Variants in KAZN observed in about 807,000 individuals in gnomAD.
KAZN encodes kazrin, periplakin interacting protein.
In KAZN, 40 loss-of-function variants were observed where a neutral mutation model predicts 87.4. The observed-to-expected ratio is 0.46, with a 90% CI of 0.36 to 0.60. The LOEUF is 0.60. KAZN is among the 20% of genes least tolerant of loss of function. The probability of loss-of-function intolerance (pLI) is 0.00; values close to 1 mark genes in which losing one functional copy is unlikely to be tolerated. For missense variants in KAZN, 898 were observed against 1,073.9 expected, an observed-to-expected ratio of 0.84 and a Z score of 2.29; for synonymous variants, 466 against 458.3, an observed-to-expected ratio of 1.02 and a Z score of -0.22.
intron 1 of KAZN, among the ~76,000 whole-genome samples, chr1:14,882,930 A>C (rs1355429490): frequency 1.3e-5 from 2 of 152,090 alleles, no homozygotes; most frequent in African/African-American, 4.8e-5. Flanking sequence ...TTGAGGAATA[A>C]ATAGGGAGCT....
chr1:13,973,523 C>A (rs1438370137), intron 1 of KAZN, among the ~76,000 whole-genome samples: 1 of 152,226 alleles, frequency 6.6e-6, no homozygotes, highest in Non-Finnish European at 1.5e-5. Context: ...CCCCTTCATA[C>A]AAATGCCTTC....
chr1:14,464,085 G>T (rs1193585390), intron 2 of KAZN, among the ~76,000 whole-genome samples: 2 of 152,212 alleles, frequency 1.3e-5, no homozygotes, highest in Non-Finnish European at 2.9e-5. Context: ...GAGCCAGGAG[G>T]CAAAGACCTG....
chr1:13,960,437 C>G (rs1313729017), intron 1 of KAZN, among the ~76,000 whole-genome samples: 1 of 152,122 alleles, frequency 6.6e-6, no homozygotes, highest in Non-Finnish European at 1.5e-5. Context: ...CTAGTAATGC[C>G]AGCACTAGTC....
chr1:14,547,087 T>A (rs7551240), intron 2 of KAZN, among the ~76,000 whole-genome samples: 3,141 of 152,280 alleles, frequency 0.021, 38 homozygotes, highest in Non-Finnish European at 0.029. Context: ...TTGGCATAAA[T>A]TTTAAACCCC....
At chr1:13,975,401 G>C (rs1020688627) in intron 1 of KAZN, among the ~76,000 whole-genome samples, 2 of 152,246 alleles carry the variant, frequency 1.3e-5, no homozygotes, top group Non-Finnish European at 2.9e-5. Flanking sequence ...TCAGATATCA[G>C]TGGGCTGAGA....
intron 2 of KAZN, among the ~76,000 whole-genome samples, chr1:14,383,800 C>A (rs1203088972): frequency 6.6e-6 from 1 of 152,066 alleles, no homozygotes; most frequent in African/African-American, 2.4e-5. Flanking sequence ...GCTATATGGG[C>A]TCTTTTTTGA....
intron 1 of KAZN, among the ~76,000 whole-genome samples, chr1:14,687,209 G>A (rs1477384980): frequency 1.3e-5 from 2 of 152,294 alleles, no homozygotes; most frequent in South Asian, 2.1e-4. Context: ...GCCCCCATAA[G>A]GCTGGGTCGA....
intron 2 of KAZN, among the ~76,000 whole-genome samples, chr1:14,582,022 G>A (rs1163912593): frequency 6.6e-6 from 1 of 151,906 alleles, no homozygotes; most frequent in Non-Finnish European, 1.5e-5. Context: ...AGCTCCAAAA[G>A]GGCAGGGACT....
chr1:14,061,527 C>T (rs747416339), intron 1 of KAZN, among the ~76,000 whole-genome samples: 1 of 152,174 alleles, frequency 6.6e-6, no homozygotes, highest in African/African-American at 2.4e-5. Context: ...GGAAAATGCT[C>T]AAAAAGAGGC....
intron 1 of KAZN, among the ~76,000 whole-genome samples, chr1:14,830,161 A>G (rs111937201): frequency 5.0e-4 from 76 of 152,340 alleles, no homozygotes; most frequent in African/African-American, 1.7e-3. Flanking sequence ...AAGTCGTGTC[A>G]TCATGAATCT....
intron 1 of KAZN, among the ~76,000 whole-genome samples, chr1:14,642,623 T>C (rs1344213795): frequency 6.6e-6 from 1 of 152,206 alleles, no homozygotes; most frequent in Non-Finnish European, 1.5e-5. Context: ...TAGTGTTCTA[T>C]GCCACTGTAG....
chr1:13,926,168 G>A (rs890834459), intron 1 of KAZN, among the ~76,000 whole-genome samples: 2 of 152,014 alleles, frequency 1.3e-5, no homozygotes, highest in Non-Finnish European at 2.9e-5. Context: ...AAACTGAGTT[G>A]GGGTCTTGCT....
chr1:14,736,806 G>T (rs1199424337), intron 1 of KAZN, among the ~76,000 whole-genome samples: 1 of 152,096 alleles, frequency 6.6e-6, no homozygotes, highest in Non-Finnish European at 1.5e-5. Context: ...ATAGATTCTG[G>T]CTACAGAATC....
intron 2 of KAZN, among the ~76,000 whole-genome samples, chr1:14,970,423 T>TC (rs1664904239): frequency 1.3e-5 from 2 of 152,234 alleles, no homozygotes; most frequent in Non-Finnish European, 2.9e-5. Flanking sequence ...TAGAATTGTT[T>TC]CCAGAACCTG....
upstream of KAZN, among the ~76,000 whole-genome samples, chr1:14,595,134 A>C (rs531242228): frequency 1.2e-5 from 1 of 81,496 alleles, no homozygotes; most frequent in South Asian, 4.3e-4. Context: ...ACAGACCAAG[A>C]CTCCATCTCA....
At chr1:14,607,182 A>G (rs1397312709) in intron 1 of KAZN, among the ~76,000 whole-genome samples, 2 of 152,182 alleles carry the variant, frequency 1.3e-5, no homozygotes, top group African/African-American at 4.8e-5. Context: ...ATGATAGATG[A>G]TTTTAATTGA....
intron 1 of KAZN, among the ~76,000 whole-genome samples, chr1:14,737,467 G>A (rs2100408302): frequency 6.6e-6 from 1 of 152,330 alleles, no homozygotes; most frequent in East Asian, 1.9e-4. Context: ...AGGCTCTAAG[G>A]GGAGAGGGGT....
Position 14,111,745 on chromosome 1 carries a change from T to C in KAZN, c.92-68690T>C, listed in dbSNP as rs1438543388. On this transcript the variant is annotated intron_variant, in intron 1 of 16. Coordinates refer to the KAZN transcript ENST00000636203. The stretch of plus-strand genomic sequence containing the variant: ...CCCTTTGCCTAGATTCTTTTCTTTT[T>C]TTTTTTTTTTTTGAGGTGGAGTCTC... Among the ~76,000 whole-genome samples, 2 of 86,380 alleles carry C rather than the reference T, an allele frequency of 2.3e-5. 1 individual carries two copies. Among genetic ancestry groups the C allele is most frequent in the African/African-American group, 1.0e-4 (2 of 20,012 alleles). 56.7% of individuals were successfully genotyped at this position (86,380 alleles called of 152,430 possible).
At chr1:14,683,908 C>A (rs1640816637) in intron 1 of KAZN, among the ~76,000 whole-genome samples, 3 of 152,202 alleles carry the variant, frequency 2.0e-5, no homozygotes, top group Admixed American at 2.0e-4. Context: ...GCAATACACA[C>A]TGATTCTTGA....
Sources: allele counts gnomAD v4.1 joint callset (sites outside exome capture counted in the v4.1 genomes callset), GRCh38; gene constraint gnomAD v4.1.1; transcripts MANE v1.5; gene names NCBI Gene and HGNC (gene_info 2026-07-23, HGNC 2026-07-21).